Variants in TEC observed in about 807,000 individuals in gnomAD.
TEC encodes tyrosine-protein kinase Tec.
TEC carries 72 observed loss-of-function variants against 93.0 expected under a neutral mutation model. The ratio of observed to expected loss-of-function variants is 0.77; its 90% CI spans 0.64 to 0.94. TEC has a LOEUF of 0.94. Among genes scored for constraint, TEC ranks in the 40% least tolerant of loss-of-function variants. The pLI is 0.00. For synonymous variants in TEC, 249 were observed against 247.7 expected (o/e 1.01, Z -0.05); for missense variants, 630 against 757.9 (o/e 0.83, Z 1.98).
rs138153624 is a variant in TEC, at chr4:48,206,849, C to T, written c.138+21628G>A. ...TGATATGCACCTGTAGTCCTAGCTACCAGAGAGGGTGAGGCAGAAGGATTG... is the reference window on the plus strand; with the variant it reads ...TGATATGCACCTGTAGTCCTAGCTATCAGAGAGGGTGAGGCAGAAGGATTG... On this transcript the variant is annotated intron_variant, in intron 2 of 17. Transcript: ENST00000381501. Among the ~76,000 whole-genome samples the T allele has an allele frequency of 1.1e-4, 16 of 151,246 alleles. No individual in the cohort carries two copies. The East Asian group carries it at 2.5e-3, about 24-fold the overall frequency.
Position 48,217,512 on chromosome 4 carries a change from T to C in TEC, c.138+10965A>G, listed in dbSNP as rs144223309. ...AACCATGACAATGAAAGTAGGAGAA[T>C]AGACTACACTGATTTTTAAGTTTGT... On this transcript the variant is annotated intron_variant, in intron 2 of 17. Transcript: ENST00000381501. Among the ~76,000 whole-genome samples, 535 of 152,306 alleles carry C rather than the reference T, an allele frequency of 3.5e-3. 2 individuals carry two copies. The highest frequency in any genetic ancestry group is 0.011 in the African/African-American group (467 of 41,566).
intron 2 of TEC, among the ~76,000 whole-genome samples, chr4:48,201,141 G>T (rs1011275727): frequency 7.2e-5 from 11 of 152,144 alleles, no homozygotes; most frequent in Admixed American, 7.2e-4. Flanking sequence ...GGAACCAATA[G>T]AACCTGTTGA....
intron 2 of TEC, among the ~76,000 whole-genome samples, chr4:48,206,949 A>G (rs577111437): frequency 1.3e-5 from 2 of 152,278 alleles, no homozygotes; most frequent in East Asian, 3.9e-4. Context: ...ACAGAGTGGA[A>G]CTAAGTCTCA....
chr4:48,193,774 A>G (rs923984422), intron 2 of TEC, among the ~76,000 whole-genome samples: 48 of 111,684 alleles, frequency 4.3e-4, no homozygotes, highest in African/African-American at 1.7e-3. Flanking sequence ...TTCATGTGTT[A>G]GGGTTTTTTT....
rs34792955 is a variant in TEC at position 48,256,594 on chromosome 4, CAAAAAAAAAAA to C, written c.-46+13147_-46+13157del. Among the ~76,000 whole-genome samples, 31 of 61,684 alleles carry C rather than the reference CAAAAAAAAAAA, an allele frequency of 5.0e-4. 1 individual carries two copies. Among genetic ancestry groups the C allele is most frequent in the Non-Finnish European group, 7.7e-4 (24 of 31,334 alleles). 40.5% of individuals were successfully genotyped at this position (61,684 alleles called of 152,430 possible). A position where few individuals can be genotyped will look rare whatever the true frequency, so the allele number is the denominator to read the frequency against. ...TGGGCAACAGAGCGAGACCTTGTCT[CAAAAAAAAAAA>C]AAAAAAAAAAAAAGTCTTTTTGCAT... is the stretch of plus-strand genomic sequence containing the variant. On this transcript the variant is annotated intron_variant, in intron 1 of 17. Transcript: ENST00000381501.
At chr4:48,231,634 G>A (rs1307850688) in intron 1 of TEC, among the ~76,000 whole-genome samples, 1 of 151,898 alleles carries the variant, frequency 6.6e-6, no homozygotes, top group Non-Finnish European at 1.5e-5. Flanking sequence ...GCGGGGGCCT[G>A]TAGTCCCAGC....
intron 9 of TEC, among the ~76,000 whole-genome samples, chr4:48,152,593 C>T (rs1264510352): frequency 6.6e-6 from 1 of 151,966 alleles, no homozygotes; most frequent in South Asian, 2.1e-4. Context: ...TTGTTATTCC[C>T]ACATTATTTC....
At chr4:48,142,866 T>A (rs1332527760) in intron 14 of TEC, among the ~76,000 whole-genome samples, 2 of 151,724 alleles carry the variant, frequency 1.3e-5, no homozygotes, top group Non-Finnish European at 2.9e-5. Context: ...GTATTTTTAG[T>A]AGAGACAGGG....
At chr4:48,143,077 A>C (rs1719754985) in intron 14 of TEC, among the ~76,000 whole-genome samples, 2 of 152,202 alleles carry the variant, frequency 1.3e-5, no homozygotes, top group Admixed American at 1.3e-4. Flanking sequence ...TTCCACTCAT[A>C]TGAGGTTCCT....
At chr4:48,164,426 C>T (rs1244281097) in intron 7 of TEC, among the ~76,000 whole-genome samples, 10 of 152,080 alleles carry the variant, frequency 6.6e-5, no homozygotes. Flanking sequence ...ATTTAAGATG[C>T]ACTCTTATGT....
chr4:48,259,589 G>A (rs549856102), intron 1 of TEC, among the ~76,000 whole-genome samples: 40 of 152,032 alleles, frequency 2.6e-4, no homozygotes, highest in African/African-American at 9.4e-4. Context: ...GGTGGCACAT[G>A]CCTATAGTCC....
At chr4:48,228,962 G>C (rs1404735318) in intron 1 of TEC, among the ~76,000 whole-genome samples, 3 of 152,160 alleles carry the variant, frequency 2.0e-5, no homozygotes, top group Non-Finnish European at 4.4e-5. Context: ...CCTACTATTT[G>C]ATTGCAGGGA....
At chr4:48,216,353 C>T (rs1723080567) in intron 2 of TEC, among the ~76,000 whole-genome samples, 1 of 152,078 alleles carries the variant, frequency 6.6e-6, no homozygotes. Context: ...TAAATGCTAT[C>T]ATCCCTATCT....
rs192735324 is a variant in TEC at position 48,265,169 on chromosome 4, A to G, written c.-46+4583T>C. On this transcript the variant is annotated intron_variant, in intron 1 of 17. Transcript: ENST00000381501. ...ACTGACACTATAAAACAAAAACCAGAAAGAAATAGACACACAAACCACACA... is the reference window on the plus strand; with the variant it reads ...ACTGACACTATAAAACAAAAACCAGGAAGAAATAGACACACAAACCACACA... Among the ~76,000 whole-genome samples, 539 of 152,202 alleles carry G rather than the reference A, an allele frequency of 3.5e-3. 6 individuals are homozygous for G. The highest frequency in any genetic ancestry group is 0.013 in the African/African-American group (520 of 41,560).
intron 1 of TEC, among the ~76,000 whole-genome samples, chr4:48,229,968 G>A (rs1341812230): frequency 9.4e-5 from 14 of 148,702 alleles, no homozygotes; most frequent in African/African-American, 3.0e-4. Context: ...CCAGCTACTC[G>A]GGAGGCTGAG....
intron 2 of TEC, among the ~76,000 whole-genome samples, chr4:48,221,944 A>C (rs1723279458): frequency 6.6e-6 from 1 of 152,232 alleles, no homozygotes; most frequent in Admixed American, 6.5e-5. Flanking sequence ...AAAATCCAGT[A>C]GGTAACACAG....
chr4:48,248,056 C>G (rs1180731875), intron 1 of TEC, among the ~76,000 whole-genome samples: 2 of 152,124 alleles, frequency 1.3e-5, no homozygotes, highest in African/African-American at 4.8e-5. Flanking sequence ...AGTCAATTAG[C>G]CTTGAGTCTT....
intron 1 of TEC, among the ~76,000 whole-genome samples, chr4:48,250,985 G>A (rs969917925): frequency 6.6e-6 from 1 of 152,124 alleles, no homozygotes; most frequent in Non-Finnish European, 1.5e-5. Flanking sequence ...AGGACTACTG[G>A]AATATCCTCC....
At chr4:48,210,263 C>T (rs1366488773) in intron 2 of TEC, among the ~76,000 whole-genome samples, 1 of 151,846 alleles carries the variant, frequency 6.6e-6, no homozygotes, top group Non-Finnish European at 1.5e-5. Context: ...CAGGAGGATC[C>T]CTTGAGGCCA....
Sources: gnomAD v4.1 joint callset for allele counts (sites outside exome capture counted in the v4.1 genomes callset) on GRCh38, gnomAD v4.1.1 for gene constraint, MANE v1.5 for transcripts, NCBI Gene and HGNC (gene_info 2026-07-23, HGNC 2026-07-21) for gene names.